Variants in BST1 observed in about 807,000 individuals in gnomAD.
The protein encoded by BST1 is bone marrow stromal cell antigen 1.
Under a neutral mutation model 40.6 loss-of-function variants are expected in BST1, and 49 were observed. That is an observed-to-expected ratio of 1.21 (90% confidence interval 0.96 to 1.53). BST1 has a LOEUF of 1.53. Ranked by LOEUF, BST1 falls within the 40% of genes most tolerant of loss-of-function variation. The probability of loss-of-function intolerance (pLI) is 0.00; values close to 1 mark genes in which losing one functional copy is unlikely to be tolerated. For synonymous variants in BST1, 157 were observed against 159.3 expected, an observed-to-expected ratio of 0.99 and a Z score of 0.11; for missense variants, 423 against 395.9, an observed-to-expected ratio of 1.07 and a Z score of -0.58.
At chr4:15,755,809 T>G in the BST1 span, among the ~76,000 whole-genome samples, 1 of 152,184 alleles carries the variant, frequency 6.6e-6, no homozygotes, top group Non-Finnish European at 1.5e-5. Flanking sequence ...AAAAAAAACT[T>G]AACCATTGGG....
At chr4:15,704,183 G>A (rs1393749222) in intron 1 of BST1, among the ~76,000 whole-genome samples, 1 of 145,110 alleles carries the variant, frequency 6.9e-6, no homozygotes, top group African/African-American at 2.6e-5. Context: ...GGTGAGGGGT[G>A]TGTGTGTTCT....
At chr4:15,742,757 G>C (rs1381781313), downstream of BST1, among the ~76,000 whole-genome samples, 1 of 152,244 alleles carries the variant, frequency 6.6e-6, no homozygotes, top group African/African-American at 2.4e-5. Context: ...GTGTTATCAG[G>C]CTGTTATCAC....
chr4:15,767,397 G>A, the BST1 span, among the ~76,000 whole-genome samples: 1,672 of 151,734 alleles, frequency 0.011, 16 homozygotes, highest in Non-Finnish European at 0.018. Context: ...TCCACCTCTC[G>A]GGTTCAAGAC....
the BST1 span, among the ~76,000 whole-genome samples, chr4:15,762,338 GTAAGTAAAAACA>G: frequency 4.2e-4 from 63 of 150,906 alleles, 2 homozygotes; most frequent in African/African-American, 1.5e-3. Flanking sequence ...AAGTAGAAAG[GTAAGTAAAAACA>G]TAATTTTCTC....
At chr4:15,728,319 T>G (rs1043550120) in intron 8 of BST1, among the ~76,000 whole-genome samples, 1 of 152,188 alleles carries the variant, frequency 6.6e-6, no homozygotes, top group African/African-American at 2.4e-5. Flanking sequence ...GTGGTAAATT[T>G]AGGGACAATC....
downstream of BST1, among the ~76,000 whole-genome samples, chr4:15,742,119 A>G (rs1721763100): frequency 6.6e-6 from 1 of 152,230 alleles, no homozygotes; most frequent in South Asian, 2.1e-4. Flanking sequence ...TTGCTCATCA[A>G]GGAATCCTCT....
the BST1 span, among the ~76,000 whole-genome samples, chr4:15,759,197 A>G: frequency 3.3e-5 from 5 of 152,002 alleles, no homozygotes; most frequent in Non-Finnish European, 5.9e-5. Context: ...GGAAAGAGCC[A>G]AGAATAACAT....
chr4:15,714,658 A>G (rs1416367664), intron 4 of BST1, among the ~76,000 whole-genome samples: 2 of 152,364 alleles, frequency 1.3e-5, no homozygotes, highest in Non-Finnish European at 1.5e-5. Flanking sequence ...ATCTCTGTGC[A>G]CAGTGCTCCT....
intron 8 of BST1, 119 bp from the exon 9 acceptor site, chr4:15,731,621 T>G (rs1721378730): frequency 7.4e-7 from 1 of 1,360,270 alleles, no homozygotes. Flanking sequence ...GAGACTTTGC[T>G]GCTCATGGCT....
downstream of BST1, among the ~76,000 whole-genome samples, chr4:15,740,904 C>T (rs1169515220): frequency 6.6e-6 from 1 of 151,870 alleles, no homozygotes; most frequent in Non-Finnish European, 1.5e-5. Flanking sequence ...CTTTGCTGGC[C>T]ATGCAACCTC....
Position 15,711,811 on chromosome 4 carries a change from C to T in BST1, c.456C>T (p.Leu152=), listed in dbSNP as rs773998093. The T allele has an allele frequency of 2.1e-5, 34 of 1,612,930 alleles. No homozygotes were observed. Among genetic ancestry groups the T allele is most frequent in the Non-Finnish European group, 2.5e-5 (30 of 1,178,960 alleles). ...GTTTGTCTACTTACCCCTTAGGACT[C>T]GATTACCAATCCTGCCCTACATCAG... is the stretch of plus-strand genomic sequence containing the variant. ...SWCRQKNDSG[L]DYQSCPTSED... is the part of the protein sequence containing the mutation. Residue 152 remains leucine (L), a synonymous_variant, in exon 4 of 9, where the codon CTC becomes CTT. Transcript: ENST00000265016.
At chr4:15,752,861 C>T in the BST1 span, among the ~76,000 whole-genome samples, 2 of 152,104 alleles carry the variant, frequency 1.3e-5, no homozygotes, top group Non-Finnish European at 2.9e-5. Flanking sequence ...AGTAAAGGCC[C>T]ACTGGAGAGA....
chr4:15,705,376 TTCGTTG>T, intron 1 of BST1, 133 bp from the exon 2 acceptor site: 1 of 987,094 alleles, frequency 1.0e-6, no homozygotes, highest in South Asian at 1.6e-5. Context: ...GCCATGACAA[TTCGTTG>T]TCTTTTTTGT....
chr4:15,762,298 A>G, the BST1 span, among the ~76,000 whole-genome samples: 87 of 132,414 alleles, frequency 6.6e-4, 2 homozygotes, highest in African/African-American at 2.5e-3. Context: ...ACACACACCC[A>G]TATATACATA....
At position 15,718,999 on chromosome 4, in the gene BST1, T is replaced by C. The variant is rs759673773; in HGVS notation, c.791+6T>C. On this transcript the variant is annotated splice_donor_region_variant and intron_variant, in intron 7 of 8. Coordinates refer to ENST00000265016, the MANE Select transcript of BST1 (RefSeq NM_004334.3). ...AGCTGTATTAATGATTACCGGTAGG[T>C]GGCCTATATATCAATGTGCTCTTGT... 8.1e-6 allele frequency: 13 copies of C among 1,612,400 alleles called. No homozygotes were observed. The highest frequency in any genetic ancestry group is 1.1e-5 in the Non-Finnish European group (13 of 1,179,168).
At chr4:15,772,047 C>T in the BST1 span, among the ~76,000 whole-genome samples, 4 of 149,642 alleles carry the variant, frequency 2.7e-5, no homozygotes, top group African/African-American at 1.0e-4. Flanking sequence ...GCTGCTTGTT[C>T]ATTAAAATGG....
chr4:15,770,818 C>T, the BST1 span, among the ~76,000 whole-genome samples: 2 of 152,246 alleles, frequency 1.3e-5, no homozygotes, highest in Admixed American at 1.3e-4. Context: ...GCCAGACATT[C>T]AGCTCTGTTC....
intron 7 of BST1, among the ~76,000 whole-genome samples, chr4:15,722,404 G>C (rs1720853952): frequency 6.6e-6 from 1 of 152,076 alleles, no homozygotes; most frequent in African/African-American, 2.4e-5. Context: ...GGAAGTGCTT[G>C]ATAAATGCTG....
At chr4:15,709,808 A>C (rs1720085658) in intron 3 of BST1, among the ~76,000 whole-genome samples, 1 of 152,198 alleles carries the variant, frequency 6.6e-6, no homozygotes, top group South Asian at 2.1e-4. Context: ...TTAAGCAAAA[A>C]ATAAATTTAC....
Sources: gnomAD v4.1 joint callset for allele counts (sites outside exome capture counted in the v4.1 genomes callset) on GRCh38, gnomAD v4.1.1 for gene constraint, MANE v1.5 for transcripts, NCBI Gene and HGNC (gene_info 2026-07-23, HGNC 2026-07-21) for gene names.